QKI: variants seen among roughly 807,000 people sequenced by gnomAD.
QKI encodes QKI, KH domain containing RNA binding, also known as KH domain-containing RNA-binding protein QKI.
A neutral mutation model predicts 39.0 loss-of-function variants in QKI; 10 were observed. The observed-to-expected ratio is 0.26, with a 90% CI of 0.16 to 0.43. QKI has a LOEUF of 0.43. QKI is among the 20% of genes least tolerant of loss of function. The pLI is 1.00. For synonymous variants in QKI, 204 were observed against 155.4 expected (o/e 1.31, Z -2.33); for missense variants, 218 against 428.0 (o/e 0.51, Z 4.33).
intron 1 of QKI, among the ~76,000 whole-genome samples, chr6:163,431,326 A>G (rs370883828): frequency 6.6e-6 from 1 of 152,212 alleles, no homozygotes; most frequent in Non-Finnish European, 1.5e-5. Context: ...ACTCAAATGC[A>G]TTTGTTATTT....
chr6:163,564,042 C>T (rs1783200476), intron 6 of QKI: 4 of 1,136,254 alleles, frequency 3.5e-6, no homozygotes, highest in Non-Finnish European at 4.3e-6. Context: ...TGGCCCGTCA[C>T]CTCCATCAGC....
chr6:163,524,867 C>T lies in QKI; in HGVS notation c.403-10115C>T, dbSNP rs150890061. Among the ~76,000 whole-genome samples, 5 of 152,262 alleles carry T rather than the reference C, an allele frequency of 3.3e-5. No individual in the cohort carries two copies. In the East Asian group the frequency reaches 9.7e-4, roughly 29 times the overall value. ...TTTCAGAGCTCTTAAATGACGGGTACTCGTCCATGTGCTATCCGAACACTA... is the reference window on the plus strand; with the variant it reads ...TTTCAGAGCTCTTAAATGACGGGTATTCGTCCATGTGCTATCCGAACACTA... On this transcript the variant is annotated intron_variant, in intron 3 of 7. Coordinates refer to ENST00000361752, the MANE Select transcript of QKI (RefSeq NM_006775.3).
chr6:163,531,930 AG>A (rs1377626555), intron 3 of QKI, among the ~76,000 whole-genome samples: 2 of 152,228 alleles, frequency 1.3e-5, no homozygotes, highest in Non-Finnish European at 2.9e-5. Flanking sequence ...TAAAAGTGTA[AG>A]CAAAAATGTT....
intron 3 of QKI, among the ~76,000 whole-genome samples, chr6:163,527,245 G>A (rs1780574371): frequency 6.6e-6 from 1 of 152,078 alleles, no homozygotes; most frequent in African/African-American, 2.4e-5. Flanking sequence ...AGTCAGTGAG[G>A]AATTAAATTG....
rs146518444 is a variant in QKI, at chr6:163,548,947, G to A, written c.547-13035G>A. Among the ~76,000 whole-genome samples, 787 of 152,268 alleles carry A rather than the reference G, an allele frequency of 5.2e-3. 10 individuals carry two copies. Among genetic ancestry groups the A allele is most frequent in the African/African-American group, 0.018 (754 of 41,574 alleles). On this transcript the variant is annotated intron_variant, in intron 4 of 7. Transcript: ENST00000361752. ...GAATGGTGATTGACTAGAAGGTATC[G>A]TTTGTAACTCCAGAATTCTGACTTG...
intron 6 of QKI, chr6:163,566,386 CCTG>C: frequency 8.2e-7 from 1 of 1,215,160 alleles, no homozygotes; most frequent in East Asian, 5.1e-5. Flanking sequence ...TTTAAGTAGT[CCTG>C]CTGCAAGAAA....
chr6:163,568,534 ATC>A lies in QKI; in HGVS notation c.1009+1740_1009+1741del, dbSNP rs1002062781. 1.9e-5 allele frequency: 19 copies of A among 981,986 alleles called. No individual in the cohort carries two copies. The African/African-American group carries it at 3.2e-4, about 16-fold the overall frequency. 60.8% of individuals were successfully genotyped at this position (981,986 alleles called of 1,614,324 possible). A position where few individuals can be genotyped will look rare whatever the true frequency, so the allele number is the denominator to read the frequency against. ...TTAGTAACAGAGTACTCGTATACTTATCACTGTATGCACTCATTGGGTCTAAG... is the reference window on the plus strand; with the variant it reads ...TTAGTAACAGAGTACTCGTATACTTAACTGTATGCACTCATTGGGTCTAAG... On this transcript the variant is annotated intron_variant, in intron 7 of 7. Coordinates refer to ENST00000361752, the MANE Select transcript of QKI (RefSeq NM_006775.3).
intron 3 of QKI, among the ~76,000 whole-genome samples, chr6:163,491,911 G>C (rs1011076837): frequency 6.6e-6 from 1 of 152,188 alleles, no homozygotes; most frequent in African/African-American, 2.4e-5. Context: ...AATTGCCCAT[G>C]TCTAATGAAA....
At chr6:163,531,032 A>G (rs1379586383) in intron 3 of QKI, among the ~76,000 whole-genome samples, 1 of 149,170 alleles carries the variant, frequency 6.7e-6, no homozygotes, top group Non-Finnish European at 1.5e-5. Context: ...ATTTTTTTTT[A>G]TCTCTGTCTT....
chr6:163,567,159 C>A (rs1440491585), intron 7 of QKI: 3 of 1,014,216 alleles, frequency 3.0e-6, no homozygotes, highest in Non-Finnish European at 3.5e-6. Flanking sequence ...GTTGGTATTG[C>A]AAAATGAATT....
intron 3 of QKI, among the ~76,000 whole-genome samples, chr6:163,524,131 C>A (rs556866731): frequency 6.1e-4 from 93 of 152,232 alleles, no homozygotes; most frequent in African/African-American, 2.2e-3. Flanking sequence ...GAAACTGTAC[C>A]GGTCGTCCTT....
chr6:163,517,429 G>C (rs572755384), intron 3 of QKI, among the ~76,000 whole-genome samples: 1 of 151,808 alleles, frequency 6.6e-6, no homozygotes, highest in East Asian at 1.9e-4. Context: ...TTTGGTTTTG[G>C]TTTTTGACAC....
At chr6:163,420,150 TTTTC>T (rs1372941073) in intron 1 of QKI, among the ~76,000 whole-genome samples, 224 of 147,408 alleles carry the variant, frequency 1.5e-3, no homozygotes, top group African/African-American at 5.4e-3. Context: ...TTTTCTTTTC[TTTTC>T]TTTTTTTTTT....
At chr6:163,451,852 A>G (rs1178448057) in intron 1 of QKI, among the ~76,000 whole-genome samples, 1 of 152,226 alleles carries the variant, frequency 6.6e-6, no homozygotes, top group Admixed American at 6.5e-5. Context: ...TACTTACAAA[A>G]GGACTAAAGC....
chr6:163,482,233 C>T (rs904616912), intron 3 of QKI, among the ~76,000 whole-genome samples: 1 of 152,100 alleles, frequency 6.6e-6, no homozygotes, highest in South Asian at 2.1e-4. Context: ...TTCTGTGGTA[C>T]ATTATTTTCT....
At chr6:163,548,680 G>C (rs1422709975) in intron 4 of QKI, among the ~76,000 whole-genome samples, 2 of 152,172 alleles carry the variant, frequency 1.3e-5, no homozygotes, top group Non-Finnish European at 2.9e-5. Context: ...GAGGTACCCA[G>C]TGAGTAGACC....
chr6:163,541,195 T>C (rs1056001056), intron 4 of QKI, among the ~76,000 whole-genome samples: 4 of 152,096 alleles, frequency 2.6e-5, no homozygotes, highest in African/African-American at 9.6e-5. Flanking sequence ...TGCAAAAGTT[T>C]TTTCCAATTT....
intron 1 of QKI, among the ~76,000 whole-genome samples, chr6:163,421,536 T>A (rs1041010353): frequency 6.6e-6 from 1 of 150,878 alleles, no homozygotes; most frequent in Non-Finnish European, 1.5e-5. Flanking sequence ...TAAGTGCTGC[T>A]TTGGTGTGTT....
chr6:163,559,096 G>GAC (rs1782828986), intron 4 of QKI, among the ~76,000 whole-genome samples: 1 of 152,106 alleles, frequency 6.6e-6, no homozygotes, highest in African/African-American at 2.4e-5. Context: ...TCCCTTGTTT[G>GAC]ACACTCCATT....
Sources: gnomAD v4.1 joint callset for allele counts (sites outside exome capture counted in the v4.1 genomes callset) on GRCh38, gnomAD v4.1.1 for gene constraint, MANE v1.5 for transcripts, NCBI Gene and HGNC (gene_info 2026-07-23, HGNC 2026-07-21) for gene names.